Variants in CWH43 observed in about 807,000 individuals in gnomAD.
The protein encoded by CWH43 is cell wall biogenesis 43 C-terminal homolog, also known as PGAP2-interacting protein.
In CWH43, 91 loss-of-function variants were observed where a neutral mutation model predicts 85.7. That is an observed-to-expected ratio of 1.06 (90% CI 0.90 to 1.26). The LOEUF (loss-of-function observed/expected upper bound fraction) is 1.26, where lower values mean the gene tolerates loss of function less well. Among genes scored for constraint, CWH43 ranks in the 50% most tolerant of loss-of-function variants. CWH43 has a pLI of 0.00. For missense variants in CWH43, 869 were observed against 839.2 expected (o/e 1.04, Z -0.44); for synonymous variants, 323 against 293.6 (o/e 1.10, Z -1.02).
At chr4:49,055,921 T>C (rs975343712) in intron 15 of CWH43, among the ~76,000 whole-genome samples, 2 of 151,466 alleles carry the variant, frequency 1.3e-5, no homozygotes, top group Admixed American at 6.6e-5. Flanking sequence ...TTCTTTTTTT[T>C]TTTTTTATTA....
At chr4:49,053,908 G>C (rs1174463810) in intron 15 of CWH43, among the ~76,000 whole-genome samples, 1 of 152,072 alleles carries the variant, frequency 6.6e-6, no homozygotes, top group Non-Finnish European at 1.5e-5. Flanking sequence ...AGTGATTTTG[G>C]ATAAAGAATA....
At chr4:49,003,261 T>C (rs1340073686) in intron 6 of CWH43, among the ~76,000 whole-genome samples, 1 of 152,164 alleles carries the variant, frequency 6.6e-6, no homozygotes, top group East Asian at 1.9e-4. Context: ...GAAAAGTCAA[T>C]GTACCTCTTG....
rs551238720 is a variant in CWH43 at position 48,992,960 on chromosome 4, A to G, written c.511+870A>G. ...GACTTAGAACTCTGTCTGGTCCCCT[A>G]ACTTATGTTTTACATTCATATCTAG... On this transcript the variant is annotated intron_variant, in intron 4 of 15. Transcript: ENST00000226432. This position sits in a 1 kb window ranked among gnomAD's most constrained non-coding sequence, Gnocchi z 4.3. Among the ~76,000 whole-genome samples, 6 of 152,328 alleles carry G rather than the reference A, an allele frequency of 3.9e-5. No individual in the cohort carries two copies. Among genetic ancestry groups the G allele is most frequent in the Non-Finnish European group, 7.3e-5 (5 of 68,030 alleles).
At chr4:49,020,698 A>G (rs1783725298) in intron 9 of CWH43, among the ~76,000 whole-genome samples, 1 of 152,060 alleles carries the variant, frequency 6.6e-6, no homozygotes, top group Admixed American at 6.6e-5. Context: ...GTTCCTTTTC[A>G]CTACATCCAT....
chr4:48,987,917 A>G (rs1287745420), intron 1 of CWH43, among the ~76,000 whole-genome samples: 2 of 152,036 alleles, frequency 1.3e-5, no homozygotes, highest in East Asian at 3.9e-4. Flanking sequence ...CTCTCACAAT[A>G]TTTTTCATTA....
chr4:49,058,576 A>G (rs752353271), intron 15 of CWH43, among the ~76,000 whole-genome samples: 1 of 152,192 alleles, frequency 6.6e-6, no homozygotes, highest in Non-Finnish European at 1.5e-5. Flanking sequence ...TTATACTTTC[A>G]TATGTGTTCA....
chr4:48,991,585 T>C lies in CWH43; in HGVS notation c.356+11T>C, dbSNP rs765133301. On this transcript the variant is annotated intron_variant, in intron 3 of 15. Coordinates refer to ENST00000226432, the MANE Select transcript of CWH43 (RefSeq NM_025087.3). ...AAGTCATTTGCAAAGGTATGGTTAATGTTTCATGTACTTATAGACAAACAA... is the reference window on the plus strand; with the variant it reads ...AAGTCATTTGCAAAGGTATGGTTAACGTTTCATGTACTTATAGACAAACAA... 1.9e-6 allele frequency: 3 copies of C among 1,613,654 alleles called. No homozygotes were observed. The highest frequency in any genetic ancestry group is 2.5e-6 in the Non-Finnish European group (3 of 1,179,822).
At chr4:49,008,538 A>G (rs1249965075) in intron 8 of CWH43, among the ~76,000 whole-genome samples, 2 of 152,090 alleles carry the variant, frequency 1.3e-5, no homozygotes, top group Non-Finnish European at 2.9e-5. Flanking sequence ...TTTAGTCATG[A>G]AGTCTTTGTC....
In CWH43 at chr4:48,994,909, A is replaced by T. The variant is rs552225134; in HGVS notation, c.713+89A>T. On this transcript the variant is annotated intron_variant, in intron 5 of 15. Transcript: ENST00000226432. ...TTTGTCAGACAGCTAGGTCTGTGCT[A>T]GCCAGATATTTCATACCACTCTCCC... 104 of 1,051,342 alleles carry T rather than the reference A, an allele frequency of 9.9e-5. 1 individual carries two copies. The highest frequency in any genetic ancestry group is 7.3e-5 in the Non-Finnish European group (49 of 674,700). The allele number at this position is 1,051,342 out of a possible 1,614,324, so 65.1% of individuals were successfully genotyped here. A position where few individuals can be genotyped will look rare whatever the true frequency, so the allele number is the denominator to read the frequency against.
intron 8 of CWH43, among the ~76,000 whole-genome samples, chr4:49,013,641 T>A (rs1783440511): frequency 6.7e-6 from 1 of 149,406 alleles, no homozygotes; most frequent in African/African-American, 2.4e-5. Context: ...CTTTTTTTTT[T>A]GTACTTTAAA....
chr4:48,991,431 A>G, intron 2 of CWH43, 23 bp from the exon 3 acceptor site: 1 of 1,613,228 alleles, frequency 6.2e-7, no homozygotes, highest in Non-Finnish European at 8.5e-7. Context: ...AGAAATGCTT[A>G]GCTCTCCCTA....
chr4:48,997,585 C>G (rs1782853384), intron 5 of CWH43, among the ~76,000 whole-genome samples: 1 of 152,146 alleles, frequency 6.6e-6, no homozygotes. Context: ...GCCCCAGGGT[C>G]ATTCTTACAC....
intron 1 of CWH43, among the ~76,000 whole-genome samples, chr4:48,987,041 C>A (rs1782517995): frequency 6.6e-6 from 1 of 152,116 alleles, no homozygotes; most frequent in South Asian, 2.1e-4. Context: ...ATCCCGAGGA[C>A]AATTTTATTG....
intron 7 of CWH43, 131 bp downstream of exon 7, chr4:49,004,123 C>A: frequency 1.3e-6 from 1 of 790,972 alleles, no homozygotes. Flanking sequence ...AAAATAGACT[C>A]TCTTGATTAA....
intron 13 of CWH43, among the ~76,000 whole-genome samples, chr4:49,040,510 T>C (rs2109823365): frequency 6.6e-6 from 1 of 152,372 alleles, no homozygotes; most frequent in Middle Eastern, 3.4e-3. Flanking sequence ...TGAGCATTTT[T>C]TCATGTGTCT....
In CWH43 at chr4:48,998,487, T is replaced by C. The variant is rs1205502982; in HGVS notation, c.741T>C (p.Ser247=). The part of the protein sequence containing the change: ...FGGAVLLCLA[S]GLMLPSCLWF... ...GTGCAGTACTGCTGTGCTTGGCAAG[T>C]GGATTGATGCTTCCATCTTGTTTGT... Residue 247 remains serine (S), a synonymous_variant, in exon 6 of 16, where the codon AGT becomes AGC. Transcript: ENST00000226432. 4.3e-6 allele frequency: 7 copies of C among 1,613,940 alleles called. No homozygotes were observed. Among genetic ancestry groups the C allele is most frequent in the Non-Finnish European group, 5.1e-6 (6 of 1,179,840 alleles).
chr4:49,040,698 G>A (rs915549919), intron 13 of CWH43, among the ~76,000 whole-genome samples: 6 of 152,140 alleles, frequency 3.9e-5, no homozygotes, highest in African/African-American at 1.4e-4. Flanking sequence ...TAGGTTGCCT[G>A]TTCACTCTGA....
intron 12 of CWH43, among the ~76,000 whole-genome samples, chr4:49,035,169 C>T (rs1306555626): frequency 6.6e-6 from 1 of 152,160 alleles, no homozygotes; most frequent in Non-Finnish European, 1.5e-5. Context: ...ACTAGATACA[C>T]AAATTCTTAC....
rs79284864 is a variant in CWH43 at position 48,992,729 on chromosome 4, G to A, written c.511+639G>A. 1.4e-4 allele frequency among the ~76,000 whole-genome samples: 21 copies of A among 152,110 alleles called. No individual in the cohort carries two copies. Among genetic ancestry groups the A allele is most frequent in the African/African-American group, 4.1e-4 (17 of 41,470 alleles). ...GAGGTATTAGTGGATTCTAGTTAAC[G>A]TGCTCCTAGCTTTTTGTGTAACTCT... On this transcript the variant is annotated intron_variant, in intron 4 of 15. Coordinates refer to ENST00000226432, the MANE Select transcript of CWH43 (RefSeq NM_025087.3). This position sits in a 1 kb window ranked among gnomAD's most constrained non-coding sequence, Gnocchi z 4.3.
Sources: gnomAD v4.1 joint callset for allele counts (sites outside exome capture counted in the v4.1 genomes callset) on GRCh38, gnomAD v4.1.1 for gene constraint, Gnocchi (gnomAD v3.1) non-coding constraint, MANE v1.5 for transcripts, NCBI Gene and HGNC (gene_info 2026-07-23, HGNC 2026-07-21) for gene names.